DACH1: variants seen among roughly 807,000 people sequenced by gnomAD.
DACH1 encodes the protein dachshund family transcription factor 1.
DACH1 carries 12 observed loss-of-function variants against 54.2 expected under a neutral mutation model. The ratio of observed to expected loss-of-function variants is 0.22; its 90% CI spans 0.14 to 0.36. The LOEUF (loss-of-function observed/expected upper bound fraction) is 0.36. DACH1 is among the 10% of genes least tolerant of loss of function. DACH1 has a pLI of 1.00. For synonymous variants in DACH1, 386 were observed against 366.2 expected (o/e 1.05, Z -0.62); for missense variants, 805 against 929.8 (o/e 0.87, Z 1.75).
intron 6 of DACH1, among the ~76,000 whole-genome samples, chr13:71,553,652 G>GTATATA (rs368486773): frequency 2.9e-3 from 399 of 138,456 alleles, no homozygotes; most frequent in African/African-American, 9.8e-3. Flanking sequence ...TATATATATA[G>GTATATA]TATATATATA....
chr13:71,495,919 CA>C (rs1879368810), intron 6 of DACH1, among the ~76,000 whole-genome samples: 1 of 151,954 alleles, frequency 6.6e-6, no homozygotes. Flanking sequence ...AAGTGTCCAT[CA>C]GGGGATGACT....
intron 10 of DACH1, among the ~76,000 whole-genome samples, chr13:71,449,445 T>C (rs923409850): frequency 6.6e-6 from 1 of 152,128 alleles, no homozygotes; most frequent in African/African-American, 2.4e-5. Flanking sequence ...GGTATGCTCA[T>C]GTTCTCACTT....
intron 1 of DACH1, among the ~76,000 whole-genome samples, chr13:71,723,240 A>G (rs996519847): frequency 1.6e-5 from 2 of 129,014 alleles, no homozygotes; most frequent in Non-Finnish European, 3.0e-5. Flanking sequence ...TTGTCTCTAC[A>G]CAAATTAAAA....
chr13:71,614,878 C>T (rs879806203), intron 3 of DACH1, among the ~76,000 whole-genome samples: 2 of 132,638 alleles, frequency 1.5e-5, no homozygotes, highest in African/African-American at 2.8e-5. Context: ...AAAAAAGCCA[C>T]AAATGTAACA....
At chr13:71,462,099 T>G (rs1876128351) in intron 10 of DACH1, among the ~76,000 whole-genome samples, 1 of 151,888 alleles carries the variant, frequency 6.6e-6, no homozygotes, top group Admixed American at 6.6e-5. Flanking sequence ...TAGCCATCAT[T>G]CATCGTTTTA....
chr13:71,624,895 G>T (rs931826151), intron 3 of DACH1, among the ~76,000 whole-genome samples: 8 of 151,856 alleles, frequency 5.3e-5, no homozygotes, highest in Non-Finnish European at 8.8e-5. Flanking sequence ...TTACAGCTGT[G>T]CACTCAATCC....
chr13:71,549,678 C>T (rs1197335923), intron 6 of DACH1, among the ~76,000 whole-genome samples: 2 of 152,252 alleles, frequency 1.3e-5, no homozygotes, highest in African/African-American at 2.4e-5. Flanking sequence ...ATTCATATTG[C>T]TTGTATGATA....
In DACH1 at chr13:71,439,336, A is replaced by T. The variant is rs1419620551; in HGVS notation, c.*1319T>A. Reference sequence around the variant, plus strand: ...TGCCGCTTTACTTCCAGTTATCTGCACGAAAGTGAAAACACATACTGTAAC... The same window carrying T: ...TGCCGCTTTACTTCCAGTTATCTGCTCGAAAGTGAAAACACATACTGTAAC... On this transcript the variant is annotated 3_prime_UTR_variant, in exon 11 of 11. Transcript: ENST00000613252. The T allele has an allele frequency of 6.6e-6, 1 of 152,470 alleles. No individual in the cohort carries two copies. Among genetic ancestry groups the T allele is most frequent in the East Asian group, 1.9e-4 (1 of 5,180 alleles). 9.4% of individuals were successfully genotyped at this position (152,470 alleles called of 1,614,324 possible). A position where few individuals can be genotyped will look rare whatever the true frequency, so the allele number is the denominator to read the frequency against.
intron 2 of DACH1, among the ~76,000 whole-genome samples, chr13:71,651,349 C>G (rs1878648909): frequency 7.2e-6 from 1 of 139,044 alleles, no homozygotes; most frequent in South Asian, 2.3e-4. Context: ...GCCTGGGCAA[C>G]AGAGTGAGAC....
chr13:71,696,477 C>T (rs897627230), intron 1 of DACH1, among the ~76,000 whole-genome samples: 1 of 151,908 alleles, frequency 6.6e-6, no homozygotes, highest in Non-Finnish European at 1.5e-5. Flanking sequence ...CCATGCTAAT[C>T]ATAAAAATGT....
chr13:71,565,049 T>G (rs1884822686), intron 4 of DACH1, among the ~76,000 whole-genome samples: 1 of 151,940 alleles, frequency 6.6e-6, no homozygotes, highest in Non-Finnish European at 1.5e-5. Context: ...AGCCTCTGAG[T>G]AGCTGGGATT....
At chr13:71,747,291 A>C (rs1260269642) in intron 1 of DACH1, among the ~76,000 whole-genome samples, 1 of 152,072 alleles carries the variant, frequency 6.6e-6, no homozygotes, top group Non-Finnish European at 1.5e-5. Flanking sequence ...AAAATCAGTC[A>C]TCCCAGGCCT....
chr13:71,488,662 AG>A (rs1254662891), intron 7 of DACH1, among the ~76,000 whole-genome samples: 1 of 151,950 alleles, frequency 6.6e-6, no homozygotes, highest in Non-Finnish European at 1.5e-5. Context: ...GCCGTTGTTT[AG>A]TAAAATCAGA....
chr13:71,607,472 A>T (rs1359479578), intron 3 of DACH1, among the ~76,000 whole-genome samples: 1 of 152,074 alleles, frequency 6.6e-6, no homozygotes, highest in East Asian at 1.9e-4. Context: ...TTACATGGAA[A>T]AAAGTAAGTC....
At chr13:71,830,631 C>T (rs1407222311) in intron 1 of DACH1, among the ~76,000 whole-genome samples, 2 of 151,788 alleles carry the variant, frequency 1.3e-5, no homozygotes, top group African/African-American at 2.4e-5. Context: ...TAATATCCTT[C>T]GAGAGCCAGA....
chr13:71,815,737 T>G (rs920033503), intron 1 of DACH1, among the ~76,000 whole-genome samples: 1 of 152,200 alleles, frequency 6.6e-6, no homozygotes, highest in Non-Finnish European at 1.5e-5. Flanking sequence ...TGCATAACCT[T>G]GAACTACAGA....
At chr13:71,616,033 G>A (rs1387931963) in intron 3 of DACH1, among the ~76,000 whole-genome samples, 1 of 151,962 alleles carries the variant, frequency 6.6e-6, no homozygotes, top group Non-Finnish European at 1.5e-5. Flanking sequence ...TAAGTAAGAA[G>A]GCAAAAATGT....
At chr13:71,777,369 G>T (rs1407883078) in intron 1 of DACH1, among the ~76,000 whole-genome samples, 3 of 151,924 alleles carry the variant, frequency 2.0e-5, no homozygotes, top group African/African-American at 7.3e-5. Flanking sequence ...GAGTTAAATG[G>T]GAATAATGAC....
In DACH1 at chr13:71,682,768, C is replaced by A. The variant is rs561275478; in HGVS notation, c.849-858G>T. Among the ~76,000 whole-genome samples the A allele has an allele frequency of 8.3e-4, 127 of 152,160 alleles. 2 individuals are homozygous for A. In the South Asian group the frequency reaches 0.025, roughly 30 times the overall value. On this transcript the variant is annotated intron_variant, in intron 1 of 10. Transcript: ENST00000613252. ...TTTTAGCAGTACTGTACTTTACATG[C>A]CTATTGCACAAGATTAATTATTACA...
Sources: allele counts gnomAD v4.1 joint callset (sites outside exome capture counted in the v4.1 genomes callset), GRCh38; gene constraint gnomAD v4.1.1; transcripts MANE v1.5; gene names NCBI Gene and HGNC (gene_info 2026-07-23, HGNC 2026-07-21).